Variants in IGSF21 observed in about 807,000 individuals in gnomAD.
IGSF21 encodes immunoglobulin superfamily member 21.
Under a neutral mutation model 46.8 loss-of-function variants are expected in IGSF21, and 28 were observed. The ratio of observed to expected loss-of-function variants is 0.60; its 90% CI spans 0.44 to 0.82. The LOEUF is 0.82. IGSF21 is among the 40% of genes least tolerant of loss of function. The pLI, the probability that IGSF21 is intolerant of heterozygous loss-of-function variation, is 0.00. For synonymous variants in IGSF21, 284 were observed against 273.6 expected (o/e 1.04, Z -0.38); for missense variants, 624 against 665.5 (o/e 0.94, Z 0.69).
Position 18,363,256 on chromosome 1 carries a change from C to T in IGSF21, c.540+1026C>T, listed in dbSNP as rs140133179. Among the ~76,000 whole-genome samples, 905 of 152,286 alleles carry T rather than the reference C, an allele frequency of 5.9e-3. 6 individuals carry two copies. The highest frequency in any genetic ancestry group is 0.021 in the African/African-American group (857 of 41,554). On this transcript the variant is annotated intron_variant, in intron 5 of 9. Coordinates refer to ENST00000251296, the MANE Select transcript of IGSF21 (RefSeq NM_032880.5). The stretch of plus-strand genomic sequence containing the variant: ...GATTTAGCAAGGTGTGGAGCTAGAG[C>T]AATGGGTACATAGGATTACAGTTCA...
At chr1:18,358,088 G>A (rs894573129) in intron 4 of IGSF21, among the ~76,000 whole-genome samples, 7 of 152,114 alleles carry the variant, frequency 4.6e-5, no homozygotes, top group Non-Finnish European at 5.9e-5. Flanking sequence ...GGTGAAGGGT[G>A]TAAGCGCCAT....
chr1:18,220,612 A>T (rs2084500751), intron 1 of IGSF21, among the ~76,000 whole-genome samples: 2 of 152,090 alleles, frequency 1.3e-5, no homozygotes, highest in African/African-American at 4.8e-5. Flanking sequence ...CATACCCTGA[A>T]TATGTCATTA....
At chr1:18,326,007 G>A (rs1048997029) in intron 3 of IGSF21, among the ~76,000 whole-genome samples, 2 of 152,140 alleles carry the variant, frequency 1.3e-5, no homozygotes, top group African/African-American at 4.8e-5. Context: ...GTGAGGAGGT[G>A]GGGGGAAGAG....
intron 3 of IGSF21, among the ~76,000 whole-genome samples, chr1:18,312,245 A>T (rs1244295133): frequency 1.3e-5 from 2 of 152,256 alleles, no homozygotes; most frequent in African/African-American, 2.4e-5. Flanking sequence ...GAATTAAATG[A>T]ATCCGCAAAA....
intron 1 of IGSF21, among the ~76,000 whole-genome samples, chr1:18,118,020 C>A (rs10443386): frequency 0.3 from 46,291 of 152,104 alleles, 7,182 homozygotes; most frequent in Non-Finnish European, 0.33. Flanking sequence ...GCCTCTGGGT[C>A]CCCTGAAATT....
In IGSF21 at chr1:18,274,464, G is replaced by A. The variant is rs139028094; in HGVS notation, c.184-17402G>A. 4.4e-3 allele frequency among the ~76,000 whole-genome samples: 676 copies of A among 152,376 alleles called. 2 individuals carry two copies. Among genetic ancestry groups the A allele is most frequent in the Non-Finnish European group, 7.1e-3 (486 of 68,042 alleles). ...AAAGAGGGGCTTATAAGCTAGACCAGGGGTTGCCTAACTCTGGCCCATTGG... is the reference window on the plus strand; with the variant it reads ...AAAGAGGGGCTTATAAGCTAGACCAAGGGTTGCCTAACTCTGGCCCATTGG... On this transcript the variant is annotated intron_variant, in intron 2 of 9. Coordinates refer to ENST00000251296, the MANE Select transcript of IGSF21 (RefSeq NM_032880.5).
intron 1 of IGSF21, among the ~76,000 whole-genome samples, chr1:18,193,581 C>T (rs2086978946): frequency 6.6e-6 from 1 of 152,066 alleles, no homozygotes; most frequent in Non-Finnish European, 1.5e-5. Flanking sequence ...GGAGTCTAGG[C>T]CAGTCTAACC....
intron 2 of IGSF21, among the ~76,000 whole-genome samples, chr1:18,283,659 C>T (rs946211338): frequency 1.6e-4 from 24 of 152,242 alleles, no homozygotes; most frequent in African/African-American, 2.9e-4. Context: ...ATTCCCCTCA[C>T]CTCTTCCCTC....
chr1:18,249,158 C>A (rs991409965), intron 2 of IGSF21, among the ~76,000 whole-genome samples: 1 of 152,128 alleles, frequency 6.6e-6, no homozygotes, highest in African/African-American at 2.4e-5. Context: ...GATGCTTGAA[C>A]CTTACCTGGA....
chr1:18,226,803 G>A (rs965171727), intron 1 of IGSF21, among the ~76,000 whole-genome samples: 1 of 152,228 alleles, frequency 6.6e-6, no homozygotes, highest in African/African-American at 2.4e-5. Flanking sequence ...AAGACTATCG[G>A]ACTGGATTGA....
rs142383362 is a variant in IGSF21 at position 18,290,999 on chromosome 1, C to A, written c.184-867C>A. Among the ~76,000 whole-genome samples the A allele has an allele frequency of 5.3e-5, 8 of 152,286 alleles. No individual in the cohort carries two copies. The highest frequency in any genetic ancestry group is 1.7e-4 in the African/African-American group (7 of 41,576). ...TCTATAATAGAGTTGCTGAGACAAG[C>A]GGAAAAACTGCAGCCGAGTAAACAG... On this transcript the variant is annotated intron_variant, in intron 2 of 9. Transcript: ENST00000251296. The surrounding 1 kb of genome is among the most constrained non-coding windows in gnomAD (Gnocchi z 4.2).
chr1:18,320,572 G>A (rs951693366), intron 3 of IGSF21, among the ~76,000 whole-genome samples: 8 of 152,204 alleles, frequency 5.3e-5, no homozygotes, highest in Non-Finnish European at 8.8e-5. Context: ...GGGGCCCCAG[G>A]CCTAACCACA....
intron 3 of IGSF21, among the ~76,000 whole-genome samples, chr1:18,303,125 C>T (rs1333751707): frequency 6.6e-6 from 1 of 152,118 alleles, no homozygotes; most frequent in Non-Finnish European, 1.5e-5. Flanking sequence ...GGCTAGGGAC[C>T]CTCCCTTATT....
At chr1:18,346,114 T>G (rs1228251527) in intron 4 of IGSF21, among the ~76,000 whole-genome samples, 1 of 152,156 alleles carries the variant, frequency 6.6e-6, no homozygotes, top group Non-Finnish European at 1.5e-5. Context: ...ACCCTCACCC[T>G]GTAAATGTCA....
At chr1:18,183,571 C>T (rs377025419) in intron 1 of IGSF21, among the ~76,000 whole-genome samples, 64 of 152,340 alleles carry the variant, frequency 4.2e-4, no homozygotes, top group African/African-American at 1.5e-3. Flanking sequence ...TCATGAGATA[C>T]GTAACAGCCA....
intron 1 of IGSF21, among the ~76,000 whole-genome samples, chr1:18,221,068 C>T (rs2084505851): frequency 6.7e-6 from 1 of 150,232 alleles, no homozygotes; most frequent in African/African-American, 2.4e-5. Flanking sequence ...TCACCACCAC[C>T]ACCACCACCA....
intron 1 of IGSF21, among the ~76,000 whole-genome samples, chr1:18,165,481 T>C (rs2124450638): frequency 6.6e-6 from 1 of 152,270 alleles, no homozygotes; most frequent in Non-Finnish European, 1.5e-5. Context: ...GCCAATTACT[T>C]CTCTAAAGGC....
chr1:18,355,885 C>CAGT (rs905198529), intron 4 of IGSF21, among the ~76,000 whole-genome samples: 1 of 138,530 alleles, frequency 7.2e-6, no homozygotes, highest in Non-Finnish European at 1.5e-5. Flanking sequence ...ACCCAGGCTG[C>CAGT]AGTGCAATGG....
intron 1 of IGSF21, among the ~76,000 whole-genome samples, chr1:18,213,787 C>T (rs527478131): frequency 4.1e-4 from 63 of 152,270 alleles, no homozygotes; most frequent in Non-Finnish European, 7.1e-4. Context: ...CAGGTGGACC[C>T]GGAATTGGCA....
Sources: allele counts gnomAD v4.1 joint callset (sites outside exome capture counted in the v4.1 genomes callset), GRCh38; gene constraint gnomAD v4.1.1; non-coding constraint Gnocchi (gnomAD v3.1); transcripts MANE v1.5; gene names NCBI Gene and HGNC (gene_info 2026-07-23, HGNC 2026-07-21).